TTC34: variants seen among roughly 807,000 people sequenced by gnomAD.
The protein encoded by TTC34 is tetratricopeptide repeat domain 34.
TTC34 carries 44 observed loss-of-function variants against 40.7 expected under a neutral mutation model. The observed-to-expected ratio is 1.08, with a 90% confidence interval of 0.85 to 1.39. The LOEUF (loss-of-function observed/expected upper bound fraction) is 1.39, where lower values mean the gene tolerates loss of function less well. Ranked by LOEUF, TTC34 falls within the 40% of genes most tolerant of loss-of-function variation. TTC34 has a pLI of 0.00. For missense variants in TTC34, 884 were observed against 838.0 expected (o/e 1.05, Z -0.68); for synonymous variants, 422 against 398.6 (o/e 1.06, Z -0.70).
intron 6 of TTC34, among the ~76,000 whole-genome samples, chr1:2,772,992 C>A (rs1313854867): frequency 6.7e-6 from 1 of 150,000 alleles, no homozygotes; most frequent in Non-Finnish European, 1.5e-5. Context: ...AGGCGAGCAT[C>A]TGACAGCCTG....
chr1:2,693,777 G>T (rs1342173059), intron 6 of TTC34, among the ~76,000 whole-genome samples: 2 of 100,508 alleles, frequency 2.0e-5, no homozygotes, highest in Non-Finnish European at 4.2e-5. Context: ...GCCTGGAGCA[G>T]CACCCACACC....
chr1:2,651,429 C>T (rs1040497581), intron 6 of TTC34, among the ~76,000 whole-genome samples: 5 of 151,998 alleles, frequency 3.3e-5, no homozygotes, highest in Admixed American at 2.6e-4. Flanking sequence ...CGAAACACAA[C>T]CCCACACACG....
At chr1:2,656,372 A>ACT (rs1639346489) in intron 6 of TTC34, among the ~76,000 whole-genome samples, 3 of 6,028 alleles carry the variant, frequency 5.0e-4, no homozygotes, top group Non-Finnish European at 7.5e-4. Flanking sequence ...AACAGCACCC[A>ACT]CACCCACAGG....
chr1:2,693,240 C>G (rs1225630920), intron 6 of TTC34, among the ~76,000 whole-genome samples: 15 of 137,258 alleles, frequency 1.1e-4, no homozygotes, highest in Admixed American at 3.0e-4. Flanking sequence ...AGGTGAGCAT[C>G]TGACAGCCTG....
intron 6 of TTC34, among the ~76,000 whole-genome samples, chr1:2,750,492 T>A (rs1641280370): frequency 2.4e-5 from 3 of 127,500 alleles, no homozygotes; most frequent in Non-Finnish European, 4.8e-5. Flanking sequence ...CACCCCCAGT[T>A]GAGCATTGGA....
rs1392053509 is a variant in TTC34, at chr1:2,796,023, T to C, written c.784+4021A>G. ...GATGATTAGGCCATGAGGGCTCTGC[T>C]CTTGTGGGTGGGATTAATGCAAGTT... On this transcript the variant is annotated intron_variant, in intron 2 of 8. Transcript: ENST00000401095. This position sits in a 1 kb window ranked among gnomAD's most constrained non-coding sequence, Gnocchi z 4.5. 6.6e-6 allele frequency among the ~76,000 whole-genome samples: 1 copy of C among 152,230 alleles called. No homozygotes were observed. Among genetic ancestry groups the C allele is most frequent in the Non-Finnish European group, 1.5e-5 (1 of 68,036 alleles).
chr1:2,675,197 A>G (rs1171901882), intron 6 of TTC34, among the ~76,000 whole-genome samples: 4 of 148,764 alleles, frequency 2.7e-5, no homozygotes, highest in African/African-American at 7.5e-5. Context: ...AGCAGCACCG[A>G]CAACCCCAGG....
chr1:2,692,443 T>G (rs76190234), intron 6 of TTC34, among the ~76,000 whole-genome samples: 11 of 9,666 alleles, frequency 1.1e-3, no homozygotes, highest in Middle Eastern at 0.071. Flanking sequence ...AGCATCTGAC[T>G]GCCTGGAGCA....
intron 6 of TTC34, among the ~76,000 whole-genome samples, chr1:2,696,587 A>G (rs1380426033): frequency 8.3e-5 from 4 of 48,266 alleles, no homozygotes; most frequent in Non-Finnish European, 1.2e-4. Flanking sequence ...ACAGCCTGGA[A>G]CAGCACCCAC....
At chr1:2,795,318 A>C (rs1263821363) in intron 2 of TTC34, among the ~76,000 whole-genome samples, 1 of 152,326 alleles carries the variant, frequency 6.6e-6, no homozygotes, top group East Asian at 1.9e-4. Context: ...TAAGCTGGAC[A>C]GTTCTTCTGT....
intron 6 of TTC34, among the ~76,000 whole-genome samples, chr1:2,685,919 C>A (rs1220066165): frequency 1.3e-4 from 19 of 141,038 alleles, no homozygotes; most frequent in African/African-American, 3.3e-4. Flanking sequence ...AGCACGCACA[C>A]CCCCAGGTGA....
chr1:2,752,056 G>T (rs1402478213), intron 6 of TTC34, among the ~76,000 whole-genome samples: 1 of 115,914 alleles, frequency 8.6e-6, no homozygotes, highest in Non-Finnish European at 1.7e-5. Flanking sequence ...ACACCCCCAG[G>T]CGAACATCTG....
rs1010834478 is a variant in TTC34 at position 2,800,051 on chromosome 1, T to TTC, written c.775_776dup (p.Pro260AsnfsTer96). ...GCCATGCCGTCCTCCTACCTTGGGG[T>TTC]TCGCTGCCGGTGGGATGGGCCTCGA... On this transcript the variant is annotated frameshift_variant, in exon 2 of 9. Transcript: ENST00000401095. LOFTEE classifies it high-confidence loss of function. 1.3e-5 allele frequency: 5 copies of TTC among 396,770 alleles called. No individual in the cohort carries two copies. The highest frequency in any genetic ancestry group is 2.1e-5 in the African/African-American group (1 of 47,972). 24.6% of individuals were successfully genotyped at this position (396,770 alleles called of 1,614,324 possible).
exon 9 of TTC34, chr1:2,641,770 G>C: frequency 6.5e-7 from 1 of 1,535,266 alleles, no homozygotes; most frequent in Non-Finnish European, 8.7e-7. Context: ...ACTCGGCCAG[G>C]CAGGTGGCCC....
chr1:2,801,494 A>C (rs1433163921), intron 1 of TTC34, 83 bp downstream of exon 1: 1 of 152,562 alleles, frequency 6.6e-6, no homozygotes. Flanking sequence ...TGACCTGACG[A>C]ACTAGCTCCG....
chr1:2,787,582 C>A, exon 4 of TTC34: 1 of 1,549,094 alleles, frequency 6.5e-7, no homozygotes, highest in Non-Finnish European at 8.7e-7. Flanking sequence ...ACCAGCAGGG[C>A]CTTGTGGGTC....
chr1:2,792,177 TTTTTGGAGTTGGAG>T (rs1453426254), intron 2 of TTC34, among the ~76,000 whole-genome samples: 2 of 151,760 alleles, frequency 1.3e-5, no homozygotes, highest in Non-Finnish European at 2.9e-5. Flanking sequence ...TTTTGGATGT[TTTTTGGAGTTGGAG>T]TCTCACTTTG....
At chr1:2,699,147 G>C (rs541519139) in intron 6 of TTC34, among the ~76,000 whole-genome samples, 1 of 140,470 alleles carries the variant, frequency 7.1e-6, no homozygotes, top group Non-Finnish European at 1.6e-5. Context: ...GTTAGCATCT[G>C]ATAGTGTGGA....
intron 6 of TTC34, among the ~76,000 whole-genome samples, chr1:2,779,244 T>C (rs1451890033): frequency 2.0e-5 from 3 of 152,232 alleles, no homozygotes; most frequent in Non-Finnish European, 2.9e-5. Context: ...GGTGTACAAA[T>C]GTCTCTAAAA....
Sources: gnomAD v4.1 joint callset for allele counts (sites outside exome capture counted in the v4.1 genomes callset) on GRCh38, gnomAD v4.1.1 for gene constraint, Gnocchi (gnomAD v3.1) non-coding constraint, MANE v1.5 for transcripts, NCBI Gene and HGNC (gene_info 2026-07-23, HGNC 2026-07-21) for gene names.